DOCK3: variants seen among roughly 807,000 people sequenced by gnomAD.
The protein encoded by DOCK3 is dedicator of cytokinesis 3.
A neutral mutation model predicts 265.6 loss-of-function variants in DOCK3; 60 were observed. The ratio of observed to expected loss-of-function variants is 0.23; its 90% CI spans 0.18 to 0.28. The LOEUF (loss-of-function observed/expected upper bound fraction) is 0.28. Among genes scored for constraint, DOCK3 ranks in the 10% least tolerant of loss-of-function variants. The pLI is 1.00. For synonymous variants in DOCK3, 881 were observed against 938.0 expected (o/e 0.94, Z 1.11); for missense variants, 1,981 against 2,594.3 (o/e 0.76, Z 5.14).
chr3:50,773,859 T>C (rs1332292075), intron 1 of DOCK3, among the ~76,000 whole-genome samples: 2 of 152,176 alleles, frequency 1.3e-5, no homozygotes, highest in East Asian at 3.9e-4. Context: ...GATGAGTATC[T>C]GATGTTTCTT....
chr3:50,989,582 A>T (rs2078031129), intron 5 of DOCK3, among the ~76,000 whole-genome samples: 1 of 152,224 alleles, frequency 6.6e-6, no homozygotes, highest in Non-Finnish European at 1.5e-5. Flanking sequence ...CAGAAAGAAG[A>T]AGTCAGCTTC....
rs912123982 is a variant in DOCK3 at position 51,359,525 on chromosome 3, C to G, written c.4885-986C>G. 6.6e-6 allele frequency among the ~76,000 whole-genome samples: 1 copy of G among 152,200 alleles called. No individual in the cohort carries two copies. The highest frequency in any genetic ancestry group is 2.4e-5 in the African/African-American group (1 of 41,446). On this transcript the variant is annotated intron_variant, in intron 46 of 52. Transcript: ENST00000266037. The surrounding 1 kb of genome is among the most constrained non-coding windows in gnomAD (Gnocchi z 4.8). The stretch of plus-strand genomic sequence containing the variant: ...CTGGTGGGTATTCATTCCACTACCT[C>G]TCATTCCAGGGTCTCCTGCCTGTTT...
chr3:50,782,232 C>T (rs1284987240), intron 2 of DOCK3, among the ~76,000 whole-genome samples: 1 of 151,876 alleles, frequency 6.6e-6, no homozygotes, highest in Non-Finnish European at 1.5e-5. Context: ...CTAATTTACA[C>T]TCCTGCCTAC....
At chr3:50,861,534 TCCA>T (rs2046909456) in intron 3 of DOCK3, among the ~76,000 whole-genome samples, 1 of 152,220 alleles carries the variant, frequency 6.6e-6, no homozygotes, top group Non-Finnish European at 1.5e-5. Flanking sequence ...ATTGAAATTC[TCCA>T]CTATTGCTGT....
chr3:51,379,871 G>A (rs963907069), intron 51 of DOCK3, among the ~76,000 whole-genome samples: 11 of 152,236 alleles, frequency 7.2e-5, no homozygotes, highest in Non-Finnish European at 1.3e-4. Flanking sequence ...TAGAGCTGCC[G>A]CTGCCTGAGG....
chr3:50,865,421 A>G (rs2047094180), intron 3 of DOCK3, among the ~76,000 whole-genome samples: 1 of 152,110 alleles, frequency 6.6e-6, no homozygotes, highest in African/African-American at 2.4e-5. Context: ...TCTGTGCCTG[A>G]TTTATTTCAC....
At chr3:51,082,615 G>C (rs1423606927) in intron 7 of DOCK3, among the ~76,000 whole-genome samples, 1 of 152,154 alleles carries the variant, frequency 6.6e-6, no homozygotes, top group Non-Finnish European at 1.5e-5. Flanking sequence ...AAGAGGCCTG[G>C]GGGACTGGTT....
chr3:51,227,406 C>T lies in DOCK3; in HGVS notation c.1501C>T (p.Arg501Trp), dbSNP rs778002026. ...ATTGCCTATCCCCATTGACCGGTTC[C>T]GGGGCTCCCACCTGCGCTTTGAGTT... The part of the protein sequence containing the change: ...IKLPIPIDRF[R>W]GSHLRFEFRH... Residue 501 changes from arginine (R) to tryptophan (W), a missense_variant, in exon 16 of 53, where the codon CGG becomes TGG. Physicochemically the swap from Arg to Trp is moderately radical, Grantham distance 101. Coordinates refer to ENST00000266037, the MANE Select transcript of DOCK3 (RefSeq NM_004947.5). The T allele has an allele frequency of 2.5e-6, 4 of 1,613,720 alleles. No individual in the cohort carries two copies. The highest frequency in any genetic ancestry group is 2.2e-5 in the East Asian group (1 of 44,896).
Position 51,200,518 on chromosome 3 carries a change from T to G in DOCK3, c.1038-8256T>G, listed in dbSNP as rs573226542. 7.2e-4 allele frequency among the ~76,000 whole-genome samples: 106 copies of G among 147,676 alleles called. 1 individual carries two copies. Among genetic ancestry groups the G allele is most frequent in the African/African-American group, 2.3e-3 (93 of 39,710 alleles). ...ACAAAGCCTCCAAGAAATATGGGAC[T>G]ATGTGAAAAGACCAAATCTACGTCT... is the stretch of plus-strand genomic sequence containing the variant. On this transcript the variant is annotated intron_variant, in intron 12 of 52. Transcript: ENST00000266037.
At chr3:51,199,868 C>T (rs1200559619) in intron 12 of DOCK3, among the ~76,000 whole-genome samples, 1 of 152,188 alleles carries the variant, frequency 6.6e-6, no homozygotes, top group Non-Finnish European at 1.5e-5. Flanking sequence ...GCAGCATTCG[C>T]GGTTCACGAA....
intron 35 of DOCK3, chr3:51,337,016 G>A: frequency 2.5e-6 from 1 of 405,490 alleles, no homozygotes; most frequent in Admixed American, 2.8e-5. Flanking sequence ...AAGTCAAGCA[G>A]TTTCCTGGCT....
intron 2 of DOCK3, among the ~76,000 whole-genome samples, chr3:50,783,126 T>G (rs564100206): frequency 6.6e-6 from 1 of 152,292 alleles, no homozygotes; most frequent in Non-Finnish European, 1.5e-5. Context: ...CGAATTGTGC[T>G]GCTATAAACA....
intron 5 of DOCK3, among the ~76,000 whole-genome samples, chr3:50,999,790 C>T (rs2078410085): frequency 6.6e-6 from 1 of 152,192 alleles, no homozygotes; most frequent in Admixed American, 6.5e-5. Flanking sequence ...GGTCTCTTCA[C>T]TTTTCAAACT....
At chr3:50,868,044 A>G (rs933989578) in intron 3 of DOCK3, among the ~76,000 whole-genome samples, 7 of 150,372 alleles carry the variant, frequency 4.7e-5, no homozygotes, top group Non-Finnish European at 1.0e-4. Flanking sequence ...CAGTGAAGCC[A>G]TTGGGTCCCA....
intron 9 of DOCK3, among the ~76,000 whole-genome samples, chr3:51,106,162 T>A (rs916852744): frequency 1.3e-5 from 2 of 152,170 alleles, no homozygotes; most frequent in African/African-American, 4.8e-5. Flanking sequence ...TGACCTGAAC[T>A]CTGCAAGGTG....
intron 10 of DOCK3, among the ~76,000 whole-genome samples, chr3:51,154,139 T>A (rs1458383647): frequency 2.0e-5 from 3 of 152,246 alleles, no homozygotes; most frequent in Non-Finnish European, 4.4e-5. Context: ...CCTCACTTTT[T>A]AGTTCATTAC....
chr3:51,000,076 A>G (rs1489561729), intron 5 of DOCK3, among the ~76,000 whole-genome samples: 6 of 152,142 alleles, frequency 3.9e-5, no homozygotes, highest in Admixed American at 3.9e-4. Flanking sequence ...TAGCATGTAT[A>G]TGGCTTTCTA....
At chr3:50,956,902 G>A (rs2076744997) in intron 5 of DOCK3, among the ~76,000 whole-genome samples, 1 of 151,874 alleles carries the variant, frequency 6.6e-6, no homozygotes, top group Non-Finnish European at 1.5e-5. Flanking sequence ...TTGCTTTGTC[G>A]CCCAGGCTGG....
intron 5 of DOCK3, among the ~76,000 whole-genome samples, chr3:50,946,274 A>T (rs898229181): frequency 1.3e-5 from 2 of 152,128 alleles, no homozygotes; most frequent in Non-Finnish European, 2.9e-5. Context: ...TCAAATATAT[A>T]CTAGTTCCCT....
Sources: allele counts gnomAD v4.1 joint callset (sites outside exome capture counted in the v4.1 genomes callset), GRCh38; gene constraint gnomAD v4.1.1; non-coding constraint Gnocchi (gnomAD v3.1); transcripts MANE v1.5; gene names NCBI Gene and HGNC (gene_info 2026-07-23, HGNC 2026-07-21).